The following PDC variants were observed in gnomAD, a reference collection of about 807,000 sequenced individuals.
PDC encodes the protein 33 kDa phototransducing protein.
A neutral mutation model predicts 22.2 loss-of-function variants in PDC; 19 were observed. The observed-to-expected ratio is 0.86, with a 90% CI of 0.60 to 1.26. PDC has a LOEUF of 1.26. Among genes scored for constraint, PDC ranks in the 50% most tolerant of loss-of-function variants. The pLI is 0.00. For synonymous variants in PDC, 97 were observed against 96.2 expected, an observed-to-expected ratio of 1.01 and a Z score of -0.05; for missense variants, 274 against 286.8, an observed-to-expected ratio of 0.96 and a Z score of 0.32.
chr1:186,445,785 C>G (rs1380837478), intron 3 of PDC, among the ~76,000 whole-genome samples: 1 of 152,078 alleles, frequency 6.6e-6, no homozygotes, highest in Non-Finnish European at 1.5e-5. Flanking sequence ...CAGAATGAGA[C>G]TCTGTCTCAA....
rs191174679 is a variant in PDC at position 186,459,729 on chromosome 1, C to T, written c.-25+1330G>A. The stretch of plus-strand genomic sequence containing the variant: ...ATGAGGTGATTCTAAGTAGCAGGTA[C>T]AATGGACAATATGTGTGTGTGTGTA... On this transcript the variant is annotated intron_variant, in intron 1 of 3. Transcript: ENST00000391997. 2.4e-4 allele frequency among the ~76,000 whole-genome samples: 28 copies of T among 118,084 alleles called. 1 individual carries two copies. The East Asian group carries it at 7.5e-3, about 32-fold the overall frequency. The allele number at this position is 118,084 out of a possible 152,430, so 77.5% of individuals were successfully genotyped here.
chr1:186,449,737 T>C (rs1302062054), intron 1 of PDC, among the ~76,000 whole-genome samples: 2 of 152,206 alleles, frequency 1.3e-5, no homozygotes, highest in Non-Finnish European at 1.5e-5. Context: ...ATATAATTCA[T>C]CATTTGTCTT....
At chr1:186,454,634 A>C (rs999373109) in intron 1 of PDC, among the ~76,000 whole-genome samples, 2 of 152,238 alleles carry the variant, frequency 1.3e-5, no homozygotes, top group African/African-American at 4.8e-5. Flanking sequence ...TGTAATATGC[A>C]GTATGCATCA....
intron 2 of PDC, among the ~76,000 whole-genome samples, chr1:186,447,445 G>T (rs547515442): frequency 2.0e-5 from 3 of 152,058 alleles, no homozygotes; most frequent in African/African-American, 7.2e-5. Context: ...CACTGTGCCC[G>T]GCCAGATTGG....
At chr1:186,446,256 C>T (rs1029199334) in intron 3 of PDC, among the ~76,000 whole-genome samples, 170 bp downstream of exon 3, 1 of 152,096 alleles carries the variant, frequency 6.6e-6, no homozygotes, top group Admixed American at 6.5e-5. Context: ...TGTACCTGTT[C>T]TTAGTATAGA....
rs143530887 is a variant in PDC at position 186,446,462 on chromosome 1, C to T, written c.177G>A (p.Arg59=). The T allele has an allele frequency of 2.3e-4, 364 of 1,607,810 alleles. 2 individuals carry two copies. The Middle Eastern group carries it at 3.5e-3, about 15-fold the overall frequency. ...CTCGTTCCTTTGAATCTTTGCCATT[C>T]CTACTCTGAGGAGAAGACATTTGCC... is the stretch of plus-strand genomic sequence containing the variant. ...ILRQMSSPQS[R]NGKDSKERVS... Residue 59 remains arginine (R), a synonymous_variant, in exon 3 of 4, where the codon AGG becomes AGA. Transcript: ENST00000391997.
intron 1 of PDC, among the ~76,000 whole-genome samples, chr1:186,456,707 C>T (rs1662479567): frequency 6.6e-6 from 1 of 152,080 alleles, no homozygotes; most frequent in Admixed American, 6.5e-5. Flanking sequence ...TTTGGAAACA[C>T]ATAGAATAAG....
rs192744104 is a variant in PDC, at chr1:186,445,952, A to T, written c.213+474T>A. Among the ~76,000 whole-genome samples the T allele has an allele frequency of 6.7e-3, 1,017 of 152,322 alleles. 14 individuals are homozygous for T. Among genetic ancestry groups the T allele is most frequent in the African/African-American group, 0.022 (913 of 41,580 alleles). ...GACTTGAAGATGTATTTGAGCATTT[A>T]TATGAAAACTTGTTTCATTCACATA... On this transcript the variant is annotated intron_variant, in intron 3 of 3. Coordinates refer to ENST00000391997, the MANE Select transcript of PDC (RefSeq NM_002597.5).
At chr1:186,457,115 T>C (rs1197633435) in intron 1 of PDC, among the ~76,000 whole-genome samples, 3 of 152,206 alleles carry the variant, frequency 2.0e-5, no homozygotes, top group Admixed American at 6.5e-5. Context: ...CTAAGGTGAC[T>C]GTGAGCTAAT....
At chr1:186,450,501 C>T (rs780527495) in intron 1 of PDC, among the ~76,000 whole-genome samples, 18 of 152,088 alleles carry the variant, frequency 1.2e-4, no homozygotes, top group African/African-American at 4.3e-4. Context: ...TGCGCCACCA[C>T]GCCCTGCTAA....
At chr1:186,456,717 G>A (rs959525959) in intron 1 of PDC, among the ~76,000 whole-genome samples, 20 of 152,178 alleles carry the variant, frequency 1.3e-4, no homozygotes, top group Admixed American at 2.6e-4. Flanking sequence ...CATAGAATAA[G>A]AAACTGTTTC....
intron 1 of PDC, among the ~76,000 whole-genome samples, chr1:186,455,688 G>A (rs115476938): frequency 0.045 from 6,860 of 150,992 alleles, 519 homozygotes; most frequent in African/African-American, 0.16. Flanking sequence ...GTGGCCGGGC[G>A]CAGTGGCTCA....
intron 1 of PDC, among the ~76,000 whole-genome samples, chr1:186,455,103 A>G (rs537334963): frequency 3.3e-5 from 5 of 152,296 alleles, no homozygotes; most frequent in Admixed American, 2.0e-4. Flanking sequence ...TGGCTTAAAA[A>G]ACAGAAGTTA....
rs1197440344 is a variant in PDC at position 186,455,995 on chromosome 1, ATATAT to A, written c.-25+5059_-25+5063del. 9.3e-3 allele frequency among the ~76,000 whole-genome samples: 515 copies of A among 55,438 alleles called. 15 individuals carry two copies. Among genetic ancestry groups the A allele is most frequent in the East Asian group, 0.018 (27 of 1,500 alleles). 36.4% of individuals were successfully genotyped at this position (55,438 alleles called of 152,430 possible). ...TCAAAAAAAAAAAAAAAAAAAAAAAATATATATATATATATATATATATATATATA... is the reference window on the plus strand; with the variant it reads ...TCAAAAAAAAAAAAAAAAAAAAAAAAATATATATATATATATATATATATA... On this transcript the variant is annotated intron_variant, in intron 1 of 3. Coordinates refer to ENST00000391997, the MANE Select transcript of PDC (RefSeq NM_002597.5).
At chr1:186,460,162 A>G (rs576979532) in intron 1 of PDC, among the ~76,000 whole-genome samples, 36 of 152,304 alleles carry the variant, frequency 2.4e-4, no homozygotes, top group African/African-American at 8.7e-4. Flanking sequence ...AGCAGTCCTC[A>G]CTTATCTGAG....
At chr1:186,457,002 C>G (rs1336239366) in intron 1 of PDC, among the ~76,000 whole-genome samples, 1 of 152,140 alleles carries the variant, frequency 6.6e-6, no homozygotes, top group Non-Finnish European at 1.5e-5. Flanking sequence ...ATCTGTGCCC[C>G]ACGGAGTGTC....
At chr1:186,459,781 T>TATATATATATATATATATATA (rs61517283) in intron 1 of PDC, among the ~76,000 whole-genome samples, 1 of 143,582 alleles carries the variant, frequency 7.0e-6, no homozygotes, top group Non-Finnish European at 1.5e-5. Context: ...TATATATATA[T>TATATATATATATATATATATA]TTAAAATGGA....
chr1:186,444,935 C>T (rs186732300), intron 3 of PDC, among the ~76,000 whole-genome samples: 3 of 152,232 alleles, frequency 2.0e-5, no homozygotes, highest in Non-Finnish European at 4.4e-5. Context: ...ATTTGGGCAC[C>T]ACCCTAGGTT....
intron 1 of PDC, among the ~76,000 whole-genome samples, chr1:186,450,731 T>G (rs998937934): frequency 2.0e-5 from 3 of 152,164 alleles, no homozygotes; most frequent in African/African-American, 7.2e-5. Context: ...TAGAATCTAT[T>G]CTTTCATTCT....
Sources: gnomAD v4.1 joint callset for allele counts (sites outside exome capture counted in the v4.1 genomes callset) on GRCh38, gnomAD v4.1.1 for gene constraint, MANE v1.5 for transcripts, NCBI Gene and HGNC (gene_info 2026-07-23, HGNC 2026-07-21) for gene names.